Variants in MSRA observed in about 807,000 individuals in gnomAD.
MSRA encodes mitochondrial peptide methionine sulfoxide reductase.
Under a neutral mutation model 31.3 loss-of-function variants are expected in MSRA, and 54 were observed. The observed-to-expected ratio is 1.73, with a 90% CI of 1.39 to 2.17. The LOEUF (loss-of-function observed/expected upper bound fraction) is 2.17. Among genes scored for constraint, MSRA ranks in the 30% most tolerant of loss-of-function variants. The pLI, the probability that MSRA is intolerant of heterozygous loss-of-function variation, is 0.00. For synonymous variants in MSRA, 169 were observed against 116.5 expected, an observed-to-expected ratio of 1.45 and a Z score of -2.90; for missense variants, 507 against 300.9, an observed-to-expected ratio of 1.69 and a Z score of -5.07.
At chr8:10,114,794 A>G (rs1418045342) in intron 1 of MSRA, among the ~76,000 whole-genome samples, 1 of 152,226 alleles carries the variant, frequency 6.6e-6, no homozygotes, top group South Asian at 2.1e-4. Context: ...TCAATATTGT[A>G]AAGATGTCAA....
intron 3 of MSRA, among the ~76,000 whole-genome samples, chr8:10,252,723 G>A (rs1411841299): frequency 1.3e-5 from 2 of 152,218 alleles, no homozygotes; most frequent in East Asian, 3.9e-4. Context: ...AGCATGGGCT[G>A]CAGACCTTAC....
chr8:10,217,022 G>A (rs1585192784), intron 2 of MSRA, among the ~76,000 whole-genome samples: 2 of 152,118 alleles, frequency 1.3e-5, no homozygotes, highest in African/African-American at 4.8e-5. Context: ...TCCCACCAGC[G>A]AACCACAAGG....
At chr8:10,141,229 T>G (rs1436778596) in intron 1 of MSRA, among the ~76,000 whole-genome samples, 5 of 152,142 alleles carry the variant, frequency 3.3e-5, no homozygotes, top group Non-Finnish European at 7.4e-5. Context: ...CAGGCCTGGT[T>G]CTGTGTGCCT....
chr8:10,397,892 A>G (rs11777976), intron 5 of MSRA, among the ~76,000 whole-genome samples: 58,135 of 152,092 alleles, frequency 0.38, 12,442 homozygotes, highest in Non-Finnish European at 0.5. Context: ...TAAGCCCATT[A>G]TAACAGCTTG....
chr8:10,102,961 G>C (rs973581682), intron 1 of MSRA, among the ~76,000 whole-genome samples: 11 of 152,100 alleles, frequency 7.2e-5, no homozygotes, highest in Non-Finnish European at 1.6e-4. Context: ...ACTTGTGTTT[G>C]ATAACTTGTT....
intron 1 of MSRA, among the ~76,000 whole-genome samples, chr8:10,174,131 A>C (rs184886938): frequency 2.6e-5 from 4 of 152,296 alleles, no homozygotes; most frequent in African/African-American, 7.2e-5. Flanking sequence ...GTTTCGGGGA[A>C]GGAGGTTAGA....
intron 1 of MSRA, among the ~76,000 whole-genome samples, chr8:10,151,837 G>A (rs183332626): frequency 1.3e-3 from 204 of 152,272 alleles, no homozygotes; most frequent in African/African-American, 4.7e-3. Flanking sequence ...TGATGAGAAG[G>A]CCATGTCTCC....
chr8:10,088,381 T>C (rs1798677840), intron 1 of MSRA, among the ~76,000 whole-genome samples: 1 of 152,188 alleles, frequency 6.6e-6, no homozygotes, highest in African/African-American at 2.4e-5. Context: ...ATGTCTGCAC[T>C]CCAATGTATG....
intron 1 of MSRA, among the ~76,000 whole-genome samples, chr8:10,164,488 C>T (rs1804947090): frequency 6.6e-6 from 1 of 152,080 alleles, no homozygotes; most frequent in Non-Finnish European, 1.5e-5. Flanking sequence ...GTTTTGACCC[C>T]TTCCTTCCTC....
chr8:10,292,560 G>C (rs7003360), intron 3 of MSRA, among the ~76,000 whole-genome samples: 45,001 of 152,208 alleles, frequency 0.3, 6,939 homozygotes, highest in East Asian at 0.35. Context: ...CAGCCACCCG[G>C]TGGGGGACCC....
intron 3 of MSRA, among the ~76,000 whole-genome samples, chr8:10,247,582 G>C (rs978113642): frequency 6.6e-6 from 1 of 152,150 alleles, no homozygotes; most frequent in Non-Finnish European, 1.5e-5. Flanking sequence ...GTATGTTAGA[G>C]GCCTCTAGCA....
intron 5 of MSRA, among the ~76,000 whole-genome samples, chr8:10,416,307 C>A (rs940179657): frequency 1.3e-5 from 2 of 152,356 alleles, no homozygotes; most frequent in East Asian, 3.9e-4. Context: ...TTAAAAACTT[C>A]TTCACAGAGA....
chr8:10,359,897 C>G (rs1192140411), intron 5 of MSRA, among the ~76,000 whole-genome samples: 1 of 152,218 alleles, frequency 6.6e-6, no homozygotes, highest in Admixed American at 6.5e-5. Flanking sequence ...TCTTCTGTTG[C>G]ATCCCACAGT....
intron 5 of MSRA, among the ~76,000 whole-genome samples, chr8:10,396,960 A>T (rs1807134402): frequency 6.6e-6 from 1 of 152,196 alleles, no homozygotes; most frequent in African/African-American, 2.4e-5. Context: ...AACCGTGAAC[A>T]TTCAGAGTGT....
At chr8:10,365,898 T>C (rs1211257283) in intron 5 of MSRA, among the ~76,000 whole-genome samples, 1 of 152,222 alleles carries the variant, frequency 6.6e-6, no homozygotes, top group Non-Finnish European at 1.5e-5. Flanking sequence ...CGTTCTGCTC[T>C]CCATCCCTTC....
At chr8:10,256,850 G>T (rs1405555329) in intron 3 of MSRA, among the ~76,000 whole-genome samples, 2 of 152,106 alleles carry the variant, frequency 1.3e-5, no homozygotes, top group Non-Finnish European at 2.9e-5. Context: ...TCTCAGTTTG[G>T]GAGGACCTTG....
intron 1 of MSRA, among the ~76,000 whole-genome samples, chr8:10,129,796 C>A (rs574032725): frequency 2.8e-3 from 421 of 152,266 alleles, no homozygotes; most frequent in African/African-American, 9.7e-3. Flanking sequence ...CTGTCCAAAC[C>A]AGCTTATACT....
intron 3 of MSRA, among the ~76,000 whole-genome samples, chr8:10,273,414 A>G (rs891447890): frequency 6.6e-6 from 1 of 152,180 alleles, no homozygotes; most frequent in Admixed American, 6.5e-5. Flanking sequence ...TGGATAAGTT[A>G]TCTGATTTTG....
At chr8:10,158,721 G>A (rs756109765) in intron 1 of MSRA, among the ~76,000 whole-genome samples, 4 of 152,188 alleles carry the variant, frequency 2.6e-5, no homozygotes, top group East Asian at 3.9e-4. Context: ...GTGTAGACAC[G>A]TTTTCCTTTG....
Sources: gnomAD v4.1 joint callset for allele counts (sites outside exome capture counted in the v4.1 genomes callset) on GRCh38, gnomAD v4.1.1 for gene constraint, MANE v1.5 for transcripts, NCBI Gene and HGNC (gene_info 2026-07-23, HGNC 2026-07-21) for gene names.